LRRIQ1: variants seen among roughly 807,000 people sequenced by gnomAD.
The protein encoded by LRRIQ1 is leucine-rich repeat- and IQ domain-containing protein 1.
LRRIQ1 carries 210 observed loss-of-function variants against 211.9 expected under a neutral mutation model. The ratio of observed to expected loss-of-function variants is 0.99; its 90% CI spans 0.89 to 1.11. The LOEUF is 1.11. Among genes scored for constraint, LRRIQ1 ranks in the 50% most tolerant of loss-of-function variants. The pLI, the probability that LRRIQ1 is intolerant of heterozygous loss-of-function variation, is 0.00. For missense variants in LRRIQ1, 2,136 were observed against 1,939.5 expected (o/e 1.10, Z -1.90); for synonymous variants, 699 against 650.1 (o/e 1.08, Z -1.14).
chr12:85,216,342 A>G (rs1592982458), intron 24 of LRRIQ1, among the ~76,000 whole-genome samples: 2 of 152,080 alleles, frequency 1.3e-5, no homozygotes, highest in East Asian at 3.9e-4. Context: ...AAGGACATGA[A>G]CTTCTTCTTT....
chr12:85,039,776 T>A (rs1878645618), intron 2 of LRRIQ1, among the ~76,000 whole-genome samples: 2 of 151,604 alleles, frequency 1.3e-5, no homozygotes, highest in African/African-American at 2.4e-5. Context: ...ATGCTTGAGG[T>A]CCCTCAGTGA....
chr12:85,153,882 A>T, intron 22 of LRRIQ1, 124 bp downstream of exon 22: 1 of 939,378 alleles, frequency 1.1e-6, no homozygotes, highest in Non-Finnish European at 1.5e-6. Flanking sequence ...CATCCAATTT[A>T]GTTTCTTAAA....
chr12:85,058,361 G>A (rs898356859), intron 8 of LRRIQ1, among the ~76,000 whole-genome samples: 1 of 151,900 alleles, frequency 6.6e-6, no homozygotes, highest in Non-Finnish European at 1.5e-5. Flanking sequence ...TGTTATCTCT[G>A]GAATCATGTT....
At chr12:85,092,691 T>C (rs1349077839) in intron 11 of LRRIQ1, among the ~76,000 whole-genome samples, 2 of 152,200 alleles carry the variant, frequency 1.3e-5, no homozygotes, top group African/African-American at 4.8e-5. Context: ...AACTTCTTTG[T>C]CACATGGAGA....
intron 1 of LRRIQ1, among the ~76,000 whole-genome samples, chr12:85,253,334 C>T (rs912207947): frequency 6.6e-6 from 1 of 151,982 alleles, no homozygotes; most frequent in African/African-American, 2.4e-5. Flanking sequence ...TGAGTAACTG[C>T]TGTTACTATT....
rs750077256 is a variant in LRRIQ1 at position 85,065,265 on chromosome 12, A to G, written c.2395A>G (p.Thr799Ala). ...CCAATTTTCTTGGTTCCTCTAGGTT[A>G]CAACAGTTACATTTCAAGATTTGCC... is the stretch of plus-strand genomic sequence containing the variant. ...CGPWDTLQQV[T>A]TVTFQDLPGC... The change falls in exon 9 of 27, where the codon ACA (threonine) becomes GCA (alanine). Residue 799 changes from threonine to alanine, a missense_variant. Thr to Ala is a moderately conservative substitution (Grantham distance 58). Coordinates refer to ENST00000393217, the MANE Select transcript of LRRIQ1 (RefSeq NM_001079910.2). 1 of 1,606,414 alleles carries G rather than the reference A, an allele frequency of 6.2e-7. No homozygotes were observed.
At chr12:85,082,136 A>G (rs1251234355) in intron 11 of LRRIQ1, among the ~76,000 whole-genome samples, 1 of 152,084 alleles carries the variant, frequency 6.6e-6, no homozygotes, top group Non-Finnish European at 1.5e-5. Context: ...TTGTCTGTAA[A>G]TATCTTTCCT....
At chr12:85,238,517 G>A (rs547214153) in intron 26 of LRRIQ1, among the ~76,000 whole-genome samples, 1 of 151,984 alleles carries the variant, frequency 6.6e-6, no homozygotes, top group South Asian at 2.1e-4. Flanking sequence ...CCATTTGTAA[G>A]GATTATGGTT....
chr12:85,125,147 C>T (rs1888288607), intron 17 of LRRIQ1, among the ~76,000 whole-genome samples: 1 of 151,976 alleles, frequency 6.6e-6, no homozygotes, highest in Non-Finnish European at 1.5e-5. Flanking sequence ...CCACTGCACT[C>T]CAGCCAGGGT....
rs1244635756 is a variant in LRRIQ1, at chr12:85,128,027, T to TA, written c.4204dup (p.Ile1402AsnfsTer22). The TA allele has an allele frequency of 1.2e-6, 2 of 1,602,096 alleles. No individual in the cohort carries two copies. The highest frequency in any genetic ancestry group is 1.7e-6 in the Non-Finnish European group (2 of 1,169,418). The stretch of plus-strand genomic sequence containing the variant: ...AACAGAGGGAGAAGGCTGCTATTCT[T>TA]ATTCAGGTTAATTTCAATCTTTTGG... On this transcript the variant is annotated frameshift_variant, in exon 18 of 27. Coordinates refer to ENST00000393217, the MANE Select transcript of LRRIQ1 (RefSeq NM_001079910.2). LOFTEE classifies it high-confidence loss of function.
At position 85,160,525 on chromosome 12, in the gene LRRIQ1, T is replaced by A. The variant is rs1890806600; in HGVS notation, c.4721-88T>A. ...AGCTTTATAAAGTGGATTTTTTTTT[T>A]ACTACCACCATATAAGAAATATGTG... On this transcript the variant is annotated intron_variant, in intron 23 of 26. Coordinates refer to ENST00000393217, the MANE Select transcript of LRRIQ1 (RefSeq NM_001079910.2). 3 of 707,138 alleles carry A rather than the reference T, an allele frequency of 4.2e-6. No homozygotes were observed. The Admixed American group carries it at 7.5e-5, about 18-fold the overall frequency. 43.8% of individuals were successfully genotyped at this position (707,138 alleles called of 1,614,324 possible). A position where few individuals can be genotyped will look rare whatever the true frequency, so the allele number is the denominator to read the frequency against.
chr12:85,102,720 G>T (rs1372333294), intron 13 of LRRIQ1, among the ~76,000 whole-genome samples: 14 of 151,112 alleles, frequency 9.3e-5, no homozygotes, highest in African/African-American at 3.4e-4. Flanking sequence ...TGTTGTTGTT[G>T]TTGGTGGTGG....
At position 85,127,998 on chromosome 12, in the gene LRRIQ1, C is replaced by T. The variant is rs200349374; in HGVS notation, c.4174C>T (p.Arg1392Ter). 9.4e-5 allele frequency: 151 copies of T among 1,612,340 alleles called. No individual in the cohort carries two copies. In the Admixed American group the frequency reaches 1.7e-3, roughly 18 times the overall value. Reference protein sequence around the residue: ...KGKRENIVNIRKQREKAAILI... With the variant: ...KGKRENIVNI ...AAAAAGAGAAAATATTGTGAATATC[C>T]GAAAACAGAGGGAGAAGGCTGCTAT... The change falls in exon 18 of 27, where the codon CGA (arginine) becomes TGA (stop). Residue 1392 changes from arginine to a stop codon, truncating the protein, a stop_gained. Coordinates refer to ENST00000393217, the MANE Select transcript of LRRIQ1 (RefSeq NM_001079910.2). LOFTEE classifies it high-confidence loss of function.
chr12:85,047,349 A>G lies in LRRIQ1; in HGVS notation c.557A>G (p.Lys186Arg). Residue 186 changes from lysine to arginine, a missense_variant, in exon 6 of 27, where the codon AAA (lysine) becomes AGA (arginine). Transcript: ENST00000393217. ...EKQKELEDKEKQTLKAQRDRE... is the reference protein window; with the variant it reads ...EKQKELEDKERQTLKAQRDRE... ...CAGAAGGAATTAGAAGATAAAGAGAAACAAACTCTCAAAGCTCAGAGGGAT... is the reference window on the plus strand; with the variant it reads ...CAGAAGGAATTAGAAGATAAAGAGAGACAAACTCTCAAAGCTCAGAGGGAT... 6.2e-7 allele frequency: 1 copy of G among 1,609,846 alleles called. No individual in the cohort carries two copies. The highest frequency in any genetic ancestry group is 8.5e-7 in the Non-Finnish European group (1 of 1,176,390).
intron 24 of LRRIQ1, among the ~76,000 whole-genome samples, chr12:85,228,961 A>C (rs548587105): frequency 6.6e-6 from 1 of 152,306 alleles, no homozygotes; most frequent in Admixed American, 6.5e-5. Context: ...CCAAAAATGG[A>C]GCAGTCTAAA....
At chr12:85,174,032 C>A (rs1361657635) in intron 24 of LRRIQ1, among the ~76,000 whole-genome samples, 5 of 151,886 alleles carry the variant, frequency 3.3e-5, no homozygotes, top group African/African-American at 4.8e-5. Context: ...ACTTTATAGA[C>A]CCCCACTCTA....
chr12:85,196,321 A>G (rs563456887), intron 24 of LRRIQ1, among the ~76,000 whole-genome samples: 1 of 152,260 alleles, frequency 6.6e-6, no homozygotes, highest in South Asian at 2.1e-4. Context: ...AATTGGAAAA[A>G]ACTACTTTAA....
At chr12:85,159,504 A>G (rs1210015628) in intron 23 of LRRIQ1, 4 of 152,020 alleles carry the variant, frequency 2.6e-5, no homozygotes, top group African/African-American at 9.7e-5. Context: ...TTCAAAAACA[A>G]TATTACTTCT....
At chr12:85,201,194 T>G (rs1592962951) in intron 24 of LRRIQ1, among the ~76,000 whole-genome samples, 1 of 151,780 alleles carries the variant, frequency 6.6e-6, no homozygotes, top group Non-Finnish European at 1.5e-5. Context: ...AGGATTTTTG[T>G]ATCGATGTTC....
Sources: gnomAD v4.1 joint callset for allele counts (sites outside exome capture counted in the v4.1 genomes callset) on GRCh38, gnomAD v4.1.1 for gene constraint, MANE v1.5 for transcripts, NCBI Gene and HGNC (gene_info 2026-07-23, HGNC 2026-07-21) for gene names.